Variants in SCGN observed in about 807,000 individuals in gnomAD.
SCGN encodes secretagogin.
In SCGN, 30 loss-of-function variants were observed where a neutral mutation model predicts 39.7. The observed-to-expected ratio is 0.76, with a 90% CI of 0.57 to 1.03. SCGN has a LOEUF of 1.03. Among genes scored for constraint, SCGN ranks in the 50% least tolerant of loss-of-function variants. SCGN has a pLI of 0.00. For synonymous variants in SCGN, 106 were observed against 114.1 expected (o/e 0.93, Z 0.45); for missense variants, 353 against 349.4 (o/e 1.01, Z -0.08).
chr6:25,679,841 C>G (rs1380767582), intron 6 of SCGN, among the ~76,000 whole-genome samples: 1 of 152,160 alleles, frequency 6.6e-6, no homozygotes, highest in Non-Finnish European at 1.5e-5. Context: ...AATATCACAT[C>G]TCTGGCATAG....
Position 25,661,573 on chromosome 6 carries a change from T to A in SCGN, c.175T>A (p.Leu59Met), listed in dbSNP as rs555716689. Residue 59 changes from leucine (L) to methionine (M), a missense_variant, in exon 3 of 11, where the codon TTG becomes ATG. Leu to Met is a conservative substitution (Grantham distance 15). Coordinates refer to ENST00000377961, the MANE Select transcript of SCGN (RefSeq NM_006998.4). ...GTDDTVMKAN[L>M]HKVKQQFMTT... ...GCAGGACACGGTCATGAAAGCAAAT[T>A]TGCACAAGGTGAAACAGCAGTTTAT... 1 of 1,613,616 alleles carries A rather than the reference T, an allele frequency of 6.2e-7. No homozygotes were observed. The highest frequency in any genetic ancestry group is 1.1e-5 in the South Asian group (1 of 91,010).
At chr6:25,694,991 C>G (rs1759820779) in intron 10 of SCGN, among the ~76,000 whole-genome samples, 1 of 152,204 alleles carries the variant, frequency 6.6e-6, no homozygotes. Flanking sequence ...GGCCCAGTTA[C>G]AAAGTCTGGG....
chr6:25,655,774 G>T (rs1198244293), intron 2 of SCGN, among the ~76,000 whole-genome samples: 1 of 152,130 alleles, frequency 6.6e-6, no homozygotes, highest in Non-Finnish European at 1.5e-5. Context: ...CAGTTAGCAT[G>T]TTTTTTTACC....
At chr6:25,683,814 A>G (rs1759668184) in intron 7 of SCGN, among the ~76,000 whole-genome samples, 1 of 152,214 alleles carries the variant, frequency 6.6e-6, no homozygotes. Context: ...TCCAAATGAG[A>G]CAAAGTATGT....
At chr6:25,667,452 T>C (rs1483110026) in intron 4 of SCGN, among the ~76,000 whole-genome samples, 1 of 152,180 alleles carries the variant, frequency 6.6e-6, no homozygotes, top group Non-Finnish European at 1.5e-5. Context: ...GTTAATGTCT[T>C]TACTTTTCCC....
intron 2 of SCGN, among the ~76,000 whole-genome samples, chr6:25,660,422 T>G (rs1760316801): frequency 6.6e-6 from 1 of 152,162 alleles, no homozygotes; most frequent in African/African-American, 2.4e-5. Flanking sequence ...GGGCCAGAAT[T>G]GTGTTTGGCA....
intron 2 of SCGN, among the ~76,000 whole-genome samples, chr6:25,659,859 C>A (rs1420265799): frequency 6.6e-6 from 1 of 152,100 alleles, no homozygotes; most frequent in East Asian, 1.9e-4. Context: ...CTGGCAAGTT[C>A]TTTGCCATAT....
At chr6:25,656,472 C>A (rs1014095586) in intron 2 of SCGN, among the ~76,000 whole-genome samples, 1 of 152,190 alleles carries the variant, frequency 6.6e-6, no homozygotes, top group Non-Finnish European at 1.5e-5. Context: ...CTTAATGGAA[C>A]CATCAGCTGC....
chr6:25,668,015 C>T (rs1759416612), intron 4 of SCGN, among the ~76,000 whole-genome samples: 1 of 152,168 alleles, frequency 6.6e-6, no homozygotes, highest in South Asian at 2.1e-4. Context: ...ACATAAATGA[C>T]AGGTTCTGGA....
chr6:25,691,141 C>A lies in SCGN; in HGVS notation c.702+17C>A, dbSNP rs768250838. ...CTTGTCCAGGTGAGTGCACGTTCTT[C>A]TTATTATGAAGTGGGGTTGTTGTTT... On this transcript the variant is annotated intron_variant, in intron 10 of 10. Coordinates refer to ENST00000377961, the MANE Select transcript of SCGN (RefSeq NM_006998.4). 34 of 1,589,684 alleles carry A rather than the reference C, an allele frequency of 2.1e-5. No individual in the cohort carries two copies. Among genetic ancestry groups the A allele is most frequent in the East Asian group, 4.5e-5 (2 of 44,644 alleles).
chr6:25,672,148 G>A (rs1464162219), intron 6 of SCGN, among the ~76,000 whole-genome samples: 1 of 152,166 alleles, frequency 6.6e-6, no homozygotes, highest in Non-Finnish European at 1.5e-5. Context: ...CCTCCACGGT[G>A]AGCCCAGTAC....
intron 6 of SCGN, among the ~76,000 whole-genome samples, chr6:25,675,615 A>C (rs1482316809): frequency 1.3e-5 from 2 of 152,204 alleles, no homozygotes; most frequent in Non-Finnish European, 1.5e-5. Context: ...TCGTCCTCCT[A>C]AATCCTGCAA....
chr6:25,697,289 A>C (rs1373816656), intron 10 of SCGN, among the ~76,000 whole-genome samples: 2 of 152,252 alleles, frequency 1.3e-5, no homozygotes, highest in African/African-American at 4.8e-5. Context: ...TTCAAACACC[A>C]GTGTGGCCAA....
At chr6:25,669,293 T>C (rs904170882) in intron 4 of SCGN, among the ~76,000 whole-genome samples, 6 of 152,140 alleles carry the variant, frequency 3.9e-5, no homozygotes, top group African/African-American at 1.2e-4. Flanking sequence ...ACTGAAACCA[T>C]TGTGGCCCTC....
intron 6 of SCGN, among the ~76,000 whole-genome samples, chr6:25,679,742 A>G (rs1759612774): frequency 6.6e-6 from 1 of 152,220 alleles, no homozygotes. Flanking sequence ...ATATTTCTTT[A>G]GGGGAAATTC....
intron 6 of SCGN, among the ~76,000 whole-genome samples, chr6:25,672,837 A>G (rs185754775): frequency 1.3e-5 from 2 of 152,300 alleles, no homozygotes; most frequent in Admixed American, 6.5e-5. Context: ...GGCAACTTGG[A>G]CTCAGGTGAG....
At chr6:25,679,629 A>C (rs544051492) in intron 6 of SCGN, among the ~76,000 whole-genome samples, 29 of 152,300 alleles carry the variant, frequency 1.9e-4, no homozygotes, top group African/African-American at 7.0e-4. Context: ...CTCTTGGTTT[A>C]TAGTCAAGGG....
chr6:25,659,054 C>A (rs1760285447), intron 2 of SCGN, among the ~76,000 whole-genome samples: 1 of 152,188 alleles, frequency 6.6e-6, no homozygotes, highest in African/African-American at 2.4e-5. Context: ...TGCTATGCAC[C>A]CACCTCCTGC....
Position 25,652,271 on chromosome 6 carries a change from C to A in SCGN, c.-133C>A, listed in dbSNP as rs1760146715. 2.7e-6 allele frequency: 2 copies of A among 734,962 alleles called. No individual in the cohort carries two copies. Among genetic ancestry groups the A allele is most frequent in the Admixed American group, 4.3e-5 (2 of 46,154 alleles). 45.5% of individuals were successfully genotyped at this position (734,962 alleles called of 1,614,324 possible). On this transcript the variant is annotated 5_prime_UTR_variant, in exon 1 of 11. Transcript: ENST00000377961. ...ACGGCCAGCAGCGCTCGCGTCCTCCCCAGCAACAGTTACTCAAAGCTAATC... is the reference window on the plus strand; with the variant it reads ...ACGGCCAGCAGCGCTCGCGTCCTCCACAGCAACAGTTACTCAAAGCTAATC...
Sources: gnomAD v4.1 joint callset for allele counts (sites outside exome capture counted in the v4.1 genomes callset) on GRCh38, gnomAD v4.1.1 for gene constraint, MANE v1.5 for transcripts, NCBI Gene and HGNC (gene_info 2026-07-23, HGNC 2026-07-21) for gene names.